Variants in CTNNA2 observed in about 807,000 individuals in gnomAD.
CTNNA2 encodes the protein catenin alpha 2.
Under a neutral mutation model 101.0 loss-of-function variants are expected in CTNNA2, and 42 were observed. The observed-to-expected ratio is 0.42, with a 90% CI of 0.32 to 0.54. The LOEUF is 0.54. Ranked by LOEUF, CTNNA2 falls within the 20% of genes least tolerant of loss-of-function variation. The probability of loss-of-function intolerance (pLI) is 0.14; values close to 1 mark genes in which losing one functional copy is unlikely to be tolerated. For missense variants in CTNNA2, 871 were observed against 1,223.1 expected (o/e 0.71, Z 4.29); for synonymous variants, 450 against 456.4 (o/e 0.99, Z 0.18).
intron 7 of CTNNA2, among the ~76,000 whole-genome samples, chr2:80,161,474 T>A (rs968341864): frequency 1.3e-5 from 2 of 152,156 alleles, no homozygotes; most frequent in African/African-American, 4.8e-5. Context: ...ACATTACAAG[T>A]TTTTGTTAAA....
intron 7 of CTNNA2, among the ~76,000 whole-genome samples, chr2:80,202,171 T>C (rs1707251181): frequency 6.6e-6 from 1 of 152,234 alleles, no homozygotes; most frequent in Non-Finnish European, 1.5e-5. Context: ...TGATCTGCTC[T>C]GTATTAATTT....
chr2:79,769,252 T>C (rs753676375), intron 3 of CTNNA2, among the ~76,000 whole-genome samples: 3 of 152,144 alleles, frequency 2.0e-5, no homozygotes, highest in Non-Finnish European at 2.9e-5. Context: ...TGATTGGACA[T>C]TGTGGTCTCG....
intron 7 of CTNNA2, among the ~76,000 whole-genome samples, chr2:80,043,017 C>CCCTT (rs1696176212): frequency 6.9e-6 from 1 of 145,632 alleles, no homozygotes; most frequent in Non-Finnish European, 1.5e-5. Context: ...TCCTTTCTTT[C>CCCTT]CCTTTCTTTC....
chr2:80,277,129 A>G (rs1309248379), intron 7 of CTNNA2, among the ~76,000 whole-genome samples: 3 of 152,150 alleles, frequency 2.0e-5, no homozygotes, highest in African/African-American at 7.2e-5. Context: ...TCCTTATAAA[A>G]GGTATACCTC....
At chr2:80,035,353 C>T (rs1028216034) in intron 7 of CTNNA2, among the ~76,000 whole-genome samples, 1 of 151,890 alleles carries the variant, frequency 6.6e-6, no homozygotes, top group African/African-American at 2.4e-5. Context: ...ATCACTACCA[C>T]CTAAAAAAAA....
At chr2:79,746,417 T>C (rs13033608) in intron 3 of CTNNA2, among the ~76,000 whole-genome samples, 52,686 of 152,076 alleles carry the variant, frequency 0.35, 9,431 homozygotes, top group African/African-American at 0.44. Flanking sequence ...TGTAGTCCTA[T>C]GCAGCATTGT....
chr2:79,233,442 A>G (rs1411054043), intron 2 of CTNNA2, among the ~76,000 whole-genome samples: 1 of 152,122 alleles, frequency 6.6e-6, no homozygotes, highest in Non-Finnish European at 1.5e-5. Flanking sequence ...CAACTTTTTA[A>G]AATGTATTGA....
chr2:79,758,949 G>C (rs1018628758), intron 3 of CTNNA2, among the ~76,000 whole-genome samples: 1 of 152,100 alleles, frequency 6.6e-6, no homozygotes, highest in East Asian at 1.9e-4. Flanking sequence ...TTAATAAAAG[G>C]TCTCAGATGA....
Position 79,314,041 on chromosome 2 carries a change from C to T in CTNNA2, c.-318+1245C>T, listed in dbSNP as rs373508793. Among the ~76,000 whole-genome samples, 84 of 152,232 alleles carry T rather than the reference C, an allele frequency of 5.5e-4. 2 individuals are homozygous for T. In the East Asian group the frequency reaches 6.6e-3, roughly 12 times the overall value. ...CTGAGGGATGGGGCATCCTTCTGTG[C>T]TGTTAGTCATTTTTCCTAACTCACT... On this transcript the variant is annotated intron_variant, in intron 3 of 21. Transcript: ENST00000466387.
chr2:79,216,757 G>A (rs1260526538), intron 2 of CTNNA2, among the ~76,000 whole-genome samples: 1 of 151,304 alleles, frequency 6.6e-6, no homozygotes, highest in Non-Finnish European at 1.5e-5. Flanking sequence ...GTGAAGAAGG[G>A]GTTGGGGGGT....
At chr2:79,300,032 A>G (rs928348636) in intron 2 of CTNNA2, among the ~76,000 whole-genome samples, 1 of 152,220 alleles carries the variant, frequency 6.6e-6, no homozygotes, top group Non-Finnish European at 1.5e-5. Flanking sequence ...TACATTTGTT[A>G]CAATTGATGA....
intron 4 of CTNNA2, among the ~76,000 whole-genome samples, chr2:79,496,121 T>C (rs183846997): frequency 6.6e-6 from 1 of 152,298 alleles, no homozygotes; most frequent in East Asian, 1.9e-4. Context: ...TTGAATTGTA[T>C]ACTTTAAATG....
In CTNNA2 at chr2:80,303,680, C is replaced by T. The variant is rs752518374; in HGVS notation, c.1057-89531C>T. On this transcript the variant is annotated intron_variant, in intron 7 of 18. Transcript: ENST00000402739. The surrounding 1 kb of genome is among the most constrained non-coding windows in gnomAD (Gnocchi z 7.7). ...GAGCGCCTCGCAGTACAGCAGCCGC[C>T]CCTCGCACCGGCACAGCTGCGGGCA... The T allele has an allele frequency of 4.3e-6, 7 of 1,611,078 alleles. No homozygotes were observed. Among genetic ancestry groups the T allele is most frequent in the Non-Finnish European group, 5.9e-6 (7 of 1,178,340 alleles).
intron 7 of CTNNA2, among the ~76,000 whole-genome samples, chr2:80,346,943 G>T (rs566492412): frequency 3.4e-4 from 52 of 152,306 alleles, no homozygotes; most frequent in African/African-American, 1.1e-3. Context: ...AAGGAAAATG[G>T]TCTCTGTGAA....
chr2:79,876,492 T>C (rs1574201391), intron 6 of CTNNA2, among the ~76,000 whole-genome samples: 1 of 152,210 alleles, frequency 6.6e-6, no homozygotes, highest in East Asian at 1.9e-4. Context: ...TTATTCTAGT[T>C]ATAATTTATT....
At chr2:79,199,676 C>T (rs542425470) in intron 2 of CTNNA2, among the ~76,000 whole-genome samples, 1 of 152,226 alleles carries the variant, frequency 6.6e-6, no homozygotes, top group African/African-American at 2.4e-5. Context: ...GACTAGGTGA[C>T]TTAAACAACA....
intron 7 of CTNNA2, among the ~76,000 whole-genome samples, chr2:80,343,407 TAAAA>T (rs3040539): frequency 5.1e-5 from 6 of 117,496 alleles, no homozygotes; most frequent in Admixed American, 8.7e-5. Context: ...TGACTTTTGA[TAAAA>T]AAAAAAAAAA....
chr2:80,472,622 G>A (rs1685400031), intron 9 of CTNNA2, among the ~76,000 whole-genome samples: 1 of 152,134 alleles, frequency 6.6e-6, no homozygotes, highest in Admixed American at 6.5e-5. Flanking sequence ...CACGGGGTTG[G>A]ATTCCCACAA....
intron 6 of CTNNA2, among the ~76,000 whole-genome samples, chr2:79,899,024 A>G (rs2916512): frequency 6.6e-6 from 1 of 152,080 alleles, no homozygotes; most frequent in African/African-American, 2.4e-5. Context: ...ACCACAGTAA[A>G]GCAGGGTTTT....
Sources: gnomAD v4.1 joint callset for allele counts (sites outside exome capture counted in the v4.1 genomes callset) on GRCh38, gnomAD v4.1.1 for gene constraint, Gnocchi (gnomAD v3.1) non-coding constraint, MANE v1.5 for transcripts, NCBI Gene and HGNC (gene_info 2026-07-23, HGNC 2026-07-21) for gene names.